Variants in SPAG16 observed in about 807,000 individuals in gnomAD.
The protein encoded by SPAG16 is sperm-associated antigen 16 protein.
Under a neutral mutation model 80.4 loss-of-function variants are expected in SPAG16, and 86 were observed. The ratio of observed to expected loss-of-function variants is 1.07; its 90% CI spans 0.90 to 1.28. SPAG16 has a LOEUF of 1.28. Among genes scored for constraint, SPAG16 ranks in the 50% most tolerant of loss-of-function variants. SPAG16 has a pLI of 0.00. For missense variants in SPAG16, 870 were observed against 765.3 expected (o/e 1.14, Z -1.61); for synonymous variants, 294 against 265.9 (o/e 1.11, Z -1.03).
intron 10 of SPAG16, among the ~76,000 whole-genome samples, chr2:213,687,422 T>C (rs1336529872): frequency 6.6e-6 from 1 of 152,230 alleles, no homozygotes; most frequent in African/African-American, 2.4e-5. Context: ...TAAATTACTT[T>C]TTTGGACATT....
chr2:213,758,473 C>A (rs2125511106), intron 10 of SPAG16, among the ~76,000 whole-genome samples: 1 of 151,262 alleles, frequency 6.6e-6, no homozygotes, highest in African/African-American at 2.4e-5. Flanking sequence ...GATATATGAA[C>A]AAAATGAAAA....
intron 15 of SPAG16, among the ~76,000 whole-genome samples, chr2:214,162,663 TG>T (rs1484344245): frequency 6.6e-6 from 1 of 152,096 alleles, no homozygotes; most frequent in Non-Finnish European, 1.5e-5. Flanking sequence ...CTTTCTAATA[TG>T]CTGGTAACAT....
rs761429009 is a variant in SPAG16 at position 213,490,017 on chromosome 2, G to C, written c.997G>C (p.Glu333Gln). The C allele has an allele frequency of 1.9e-6, 3 of 1,610,424 alleles. No homozygotes were observed. The African/African-American group carries it at 4.0e-5, about 22-fold the overall frequency. The change falls in exon 10 of 16, where the codon GAA becomes CAA. Residue 333 changes from glutamate (E) to glutamine (Q), a missense_variant. By Grantham distance (29) the Glu-to-Gln change is conservative. Coordinates refer to ENST00000331683, the MANE Select transcript of SPAG16 (RefSeq NM_024532.5). Reference sequence around the variant, plus strand: ...AAATCCAAACCTGAATGTTTCTAAAGAAAGTCTTTCTCCAGCAAAATTTGA... The same window carrying C: ...AAATCCAAACCTGAATGTTTCTAAACAAAGTCTTTCTCCAGCAAAATTTGA... ...QPNPNLNVSK[E>Q]SLSPAKFDYK...
At chr2:214,164,914 G>A (rs1186396081) in intron 15 of SPAG16, among the ~76,000 whole-genome samples, 2 of 152,042 alleles carry the variant, frequency 1.3e-5, no homozygotes, top group Non-Finnish European at 2.9e-5. Flanking sequence ...ATAATATCAT[G>A]TAATGAAAAA....
rs564160947 is a variant in SPAG16 at position 213,375,714 on chromosome 2, GT to G, written c.942+596del. Among the ~76,000 whole-genome samples, 249 of 151,986 alleles carry G rather than the reference GT, an allele frequency of 1.6e-3. 1 individual carries two copies. The highest frequency in any genetic ancestry group is 5.9e-3 in the African/African-American group (243 of 41,510). ...AAAATTACATAAAAGTCTAGCTCAG[GT>G]AATGGATTTTCTTGTAAGGCAGTTG... On this transcript the variant is annotated intron_variant, in intron 9 of 15. Coordinates refer to ENST00000331683, the MANE Select transcript of SPAG16 (RefSeq NM_024532.5).
At chr2:213,586,929 G>C (rs2060494956) in intron 10 of SPAG16, among the ~76,000 whole-genome samples, 1 of 152,152 alleles carries the variant, frequency 6.6e-6, no homozygotes, top group Non-Finnish European at 1.5e-5. Context: ...TGCCCACATG[G>C]CTTTGGGAAG....
chr2:213,763,183 A>G (rs2068752462), intron 10 of SPAG16, among the ~76,000 whole-genome samples: 1 of 152,092 alleles, frequency 6.6e-6, no homozygotes, highest in African/African-American at 2.4e-5. Context: ...GTTAGTGTGA[A>G]TGTAAAATAG....
intron 10 of SPAG16, among the ~76,000 whole-genome samples, chr2:213,491,911 A>G (rs1204496756): frequency 6.6e-6 from 1 of 152,226 alleles, no homozygotes; most frequent in Non-Finnish European, 1.5e-5. Flanking sequence ...TTAGTTTATT[A>G]GTAGAAAAAT....
intron 12 of SPAG16, among the ~76,000 whole-genome samples, chr2:213,938,420 A>C (rs56269906): frequency 0.017 from 2,525 of 152,116 alleles, 34 homozygotes; most frequent in South Asian, 0.034. Context: ...ACATTTATGT[A>C]TATATACTTA....
intron 10 of SPAG16, among the ~76,000 whole-genome samples, chr2:213,600,048 G>T (rs1559296543): frequency 6.6e-6 from 1 of 152,080 alleles, no homozygotes; most frequent in African/African-American, 2.4e-5. Flanking sequence ...GTAGGAATTG[G>T]CACTTCTAAT....
At chr2:214,038,347 TTC>T (rs1342784468) in intron 13 of SPAG16, among the ~76,000 whole-genome samples, 1 of 152,142 alleles carries the variant, frequency 6.6e-6, no homozygotes, top group Non-Finnish European at 1.5e-5. Flanking sequence ...CTTCCCTATT[TTC>T]TCTCTTCTGT....
At chr2:214,177,910 T>TATATAA (rs1203998866) in intron 15 of SPAG16, among the ~76,000 whole-genome samples, 1 of 70,888 alleles carries the variant, frequency 1.4e-5, no homozygotes, top group African/African-American at 1.1e-4. Flanking sequence ...CATATATATA[T>TATATAA]ATATACATAT....
At chr2:214,331,083 T>C (rs1161546894) in intron 15 of SPAG16, among the ~76,000 whole-genome samples, 1 of 152,196 alleles carries the variant, frequency 6.6e-6, no homozygotes, top group African/African-American at 2.4e-5. Context: ...CTATCATCTA[T>C]GTAGGTCTGG....
intron 13 of SPAG16, among the ~76,000 whole-genome samples, chr2:214,023,237 A>T (rs2047969059): frequency 6.6e-6 from 1 of 151,846 alleles, no homozygotes; most frequent in Admixed American, 6.6e-5. Flanking sequence ...CTGTGTTCTG[A>T]GAAAAGTCAC....
intron 9 of SPAG16, among the ~76,000 whole-genome samples, chr2:213,439,470 T>C (rs1030657896): frequency 3.9e-5 from 6 of 152,212 alleles, no homozygotes; most frequent in Admixed American, 3.9e-4. Context: ...ACTATCATTA[T>C]GTTGTGGCAG....
chr2:214,076,872 A>C (rs186734006), intron 13 of SPAG16, among the ~76,000 whole-genome samples: 2 of 152,270 alleles, frequency 1.3e-5, no homozygotes, highest in African/African-American at 2.4e-5. Context: ...GGAAACCATC[A>C]ACTTGTACCC....
At chr2:214,093,972 A>C (rs1469961196) in intron 13 of SPAG16, among the ~76,000 whole-genome samples, 2 of 151,998 alleles carry the variant, frequency 1.3e-5, no homozygotes, top group Non-Finnish European at 2.9e-5. Flanking sequence ...CTGGATCCTT[A>C]TTATTTAAGG....
chr2:213,558,456 T>C (rs1481190896), intron 10 of SPAG16, among the ~76,000 whole-genome samples: 1 of 143,542 alleles, frequency 7.0e-6, no homozygotes, highest in Non-Finnish European at 1.5e-5. Flanking sequence ...GATTTAGCCT[T>C]ATTTATTACA....
At chr2:214,067,301 T>G (rs1175641607) in intron 13 of SPAG16, among the ~76,000 whole-genome samples, 1 of 152,190 alleles carries the variant, frequency 6.6e-6, no homozygotes, top group Non-Finnish European at 1.5e-5. Context: ...ATATGAAGCC[T>G]TTTCAATATT....
Sources: gnomAD v4.1 joint callset for allele counts (sites outside exome capture counted in the v4.1 genomes callset) on GRCh38, gnomAD v4.1.1 for gene constraint, MANE v1.5 for transcripts, NCBI Gene and HGNC (gene_info 2026-07-23, HGNC 2026-07-21) for gene names.